The following JADE1 variants were observed in gnomAD, a reference collection of about 807,000 sequenced individuals.
JADE1 encodes the protein protein Jade-1.
A neutral mutation model predicts 81.8 loss-of-function variants in JADE1; 14 were observed. That is an observed-to-expected ratio of 0.17 (90% CI 0.11 to 0.27). The LOEUF (loss-of-function observed/expected upper bound fraction) is 0.27. JADE1 is among the 10% of genes least tolerant of loss of function. The pLI is 1.00. For missense variants in JADE1, 690 were observed against 1,047.9 expected (o/e 0.66, Z 4.71); for synonymous variants, 353 against 391.9 (o/e 0.90, Z 1.17).
In JADE1 at chr4:128,872,179, G is replaced by C. The variant is rs760331849; in HGVS notation, c.2446G>C (p.Ala816Pro). ...GGAAATGAGTGACTCAGAGAGTGAG[G>C]CATCAGAAAAGAAATGTATACACAC... ...DVEMSDSESE[A>P]SEKKCIHTSS... Residue 816 changes from alanine (A) to proline (P), a missense_variant, in exon 11 of 11, where the codon GCA becomes CCA. This residue lies in a region of JADE1 where 218 missense variants were observed against 274.3 expected (regional missense o/e 0.79). Coordinates refer to ENST00000226319, the MANE Select transcript of JADE1 (RefSeq NM_199320.4). The C allele has an allele frequency of 5.3e-5, 86 of 1,614,022 alleles. No individual in the cohort carries two copies. Among genetic ancestry groups the C allele is most frequent in the Non-Finnish European group, 6.9e-5 (81 of 1,180,010 alleles).
chr4:128,842,512 C>G (rs1227820995), intron 2 of JADE1, among the ~76,000 whole-genome samples: 5 of 152,156 alleles, frequency 3.3e-5, no homozygotes, highest in Non-Finnish European at 7.4e-5. Context: ...GTTGGCCAGG[C>G]AGGTCTTGAA....
intron 8 of JADE1, among the ~76,000 whole-genome samples, chr4:128,858,388 A>C (rs1730979934): frequency 6.6e-6 from 1 of 152,008 alleles, no homozygotes; most frequent in Non-Finnish European, 1.5e-5. Context: ...ATGTACTAGC[A>C]CAGGCCACAG....
At chr4:128,810,784 C>T (rs1560712683) in intron 1 of JADE1, among the ~76,000 whole-genome samples, 1 of 152,008 alleles carries the variant, frequency 6.6e-6, no homozygotes. Context: ...TTCTTCCGAA[C>T]TGGGCTTCCA....
intron 2 of JADE1, among the ~76,000 whole-genome samples, chr4:128,839,224 A>G (rs1729227937): frequency 6.6e-6 from 1 of 152,216 alleles, no homozygotes; most frequent in African/African-American, 2.4e-5. Context: ...TTTTGGTACA[A>G]CAAGAAAATG....
At chr4:128,842,913 C>A in intron 2 of JADE1, 40 bp from the exon 3 acceptor site, 2 of 1,573,858 alleles carry the variant, frequency 1.3e-6, no homozygotes, top group Non-Finnish European at 1.7e-6. Flanking sequence ...GTGACCCCTG[C>A]AATTTCTAAT....
At chr4:128,854,771 G>A (rs1031451786) in intron 6 of JADE1, among the ~76,000 whole-genome samples, 1 of 152,116 alleles carries the variant, frequency 6.6e-6, no homozygotes, top group African/African-American at 2.4e-5. Flanking sequence ...TGGTACCATC[G>A]TGGTTTTTAT....
chr4:128,837,462 C>G (rs1729074069), intron 2 of JADE1, among the ~76,000 whole-genome samples: 1 of 152,130 alleles, frequency 6.6e-6, no homozygotes, highest in Non-Finnish European at 1.5e-5. Context: ...GTGAGTTTGG[C>G]TGTAGAGCTG....
chr4:128,872,210 G>C lies in JADE1; in HGVS notation c.2477G>C (p.Ser826Thr). The change falls in exon 11 of 11, where the codon AGC becomes ACC. Residue 826 changes from serine to threonine, a missense_variant. Ser to Thr is a moderately conservative substitution (Grantham distance 58). Transcript: ENST00000226319. ...GAAAAGAAATGTATACACACCAGCA[G>C]CACTATCAGCAGAAGGACAGACATT... ...ASEKKCIHTS[S>T]TISRRTDIIR... 1 of 1,614,170 alleles carries C rather than the reference G, an allele frequency of 6.2e-7. No homozygotes were observed. The highest frequency in any genetic ancestry group is 1.1e-5 in the South Asian group (1 of 91,088).
chr4:128,818,903 G>A (rs1205618348), intron 1 of JADE1, among the ~76,000 whole-genome samples: 4 of 152,152 alleles, frequency 2.6e-5, no homozygotes, highest in African/African-American at 9.7e-5. Context: ...CCAGGCTGGA[G>A]TGCAGTGGTG....
At chr4:128,861,627 G>A in intron 8 of JADE1, 77 bp from the exon 9 acceptor site, 5 of 1,494,088 alleles carry the variant, frequency 3.3e-6, no homozygotes, top group Non-Finnish European at 3.7e-6. Flanking sequence ...TGTACATGGG[G>A]TGCCTAGCAC....
chr4:128,873,750 C>G lies in JADE1; in HGVS notation c.*1488C>G, dbSNP rs1318420029. The G allele has an allele frequency of 6.6e-6, 1 of 152,400 alleles. No homozygotes were observed. The highest frequency in any genetic ancestry group is 2.4e-5 in the African/African-American group (1 of 41,444). 9.4% of individuals were successfully genotyped at this position (152,400 alleles called of 1,614,324 possible). The stretch of plus-strand genomic sequence containing the variant: ...GTTTGTTAATACCAGTATTCAGATT[C>G]CTGATTCATTTATACATCTGTTTCC... On this transcript the variant is annotated 3_prime_UTR_variant, in exon 11 of 11. Transcript: ENST00000226319.
chr4:128,863,680 G>GT, intron 9 of JADE1: 1 of 985,408 alleles, frequency 1.0e-6, no homozygotes, highest in Non-Finnish European at 1.2e-6. Flanking sequence ...CTGGTGGTGA[G>GT]TGTAAAGAAG....
intron 8 of JADE1, among the ~76,000 whole-genome samples, chr4:128,857,741 T>C (rs937989442): frequency 6.6e-6 from 1 of 152,144 alleles, no homozygotes. Context: ...CTGCCCAAAG[T>C]CTAGCATCGC....
Position 128,872,603 on chromosome 4 carries a change from A to C in JADE1, c.*341A>C. 3.7e-6 allele frequency: 1 copy of C among 268,898 alleles called. No individual in the cohort carries two copies. The highest frequency in any genetic ancestry group is 4.9e-5 in the South Asian group (1 of 20,550). 16.7% of individuals were successfully genotyped at this position (268,898 alleles called of 1,614,324 possible). ...TTATAGCCCTCTGCATTCTTCCCAA[A>C]GCACAAACTCATGGTTACCTGAATA... On this transcript the variant is annotated 3_prime_UTR_variant, in exon 11 of 11. Transcript: ENST00000226319.
At chr4:128,848,480 C>T (rs181983065) in intron 4 of JADE1, among the ~76,000 whole-genome samples, 2 of 152,264 alleles carry the variant, frequency 1.3e-5, no homozygotes, top group Admixed American at 6.5e-5. Context: ...TGCCCCAGCC[C>T]AAGGCCTGAT....
At chr4:128,813,854 C>G (rs1048945490) in intron 1 of JADE1, among the ~76,000 whole-genome samples, 2 of 151,936 alleles carry the variant, frequency 1.3e-5, no homozygotes, top group Non-Finnish European at 2.9e-5. Flanking sequence ...TAATTTTAAG[C>G]TGTTTAAGTG....
chr4:128,864,469 T>G (rs555855866), intron 9 of JADE1: 2 of 985,132 alleles, frequency 2.0e-6, no homozygotes, highest in Non-Finnish European at 2.4e-6. Flanking sequence ...CTTATTGTAA[T>G]GAAAAAAAAT....
intron 9 of JADE1, chr4:128,862,482 T>C (rs1362238208): frequency 7.1e-5 from 96 of 1,351,482 alleles, no homozygotes; most frequent in Non-Finnish European, 9.0e-5. Context: ...CTTTACTGTT[T>C]TGTAAGATCA....
intron 1 of JADE1, among the ~76,000 whole-genome samples, chr4:128,823,993 T>C (rs1479779958): frequency 6.6e-6 from 1 of 152,216 alleles, no homozygotes; most frequent in Non-Finnish European, 1.5e-5. Flanking sequence ...GTATATTCCA[T>C]AGAAGACAAA....
Sources: allele counts gnomAD v4.1 joint callset (sites outside exome capture counted in the v4.1 genomes callset), GRCh38; gene constraint gnomAD v4.1.1; regional missense constraint gnomAD v4.1.1; transcripts MANE v1.5; gene names NCBI Gene and HGNC (gene_info 2026-07-23, HGNC 2026-07-21).